Variants in PIP4K2A observed in about 807,000 individuals in gnomAD.
PIP4K2A encodes phosphatidylinositol-5-phosphate 4-kinase type 2 alpha.
Under a neutral mutation model 42.9 loss-of-function variants are expected in PIP4K2A, and 14 were observed. The observed-to-expected ratio is 0.33, with a 90% CI of 0.22 to 0.51. The LOEUF is 0.51. PIP4K2A is among the 20% of genes least tolerant of loss of function. The pLI is 0.97. For synonymous variants in PIP4K2A, 192 were observed against 192.2 expected (o/e 1.00, Z 0.01); for missense variants, 434 against 519.8 (o/e 0.83, Z 1.61).
chr10:22,697,004 A>G (rs1839984837), intron 1 of PIP4K2A, among the ~76,000 whole-genome samples: 1 of 152,222 alleles, frequency 6.6e-6, no homozygotes, highest in South Asian at 2.1e-4. Context: ...AATAAAATAC[A>G]TCCACATAAA....
Position 22,536,310 on chromosome 10 carries a change from T to C in PIP4K2A, c.*891A>G. 5.1e-6 allele frequency: 2 copies of C among 393,128 alleles called. No homozygotes were observed. Among genetic ancestry groups the C allele is most frequent in the Non-Finnish European group, 4.5e-6 (1 of 222,990 alleles). The allele number at this position is 393,128 out of a possible 1,614,324, so 24.4% of individuals were successfully genotyped here. A position where few individuals can be genotyped will look rare whatever the true frequency, so the allele number is the denominator to read the frequency against. On this transcript the variant is annotated 3_prime_UTR_variant, in exon 10 of 10. Coordinates refer to ENST00000376573, the MANE Select transcript of PIP4K2A (RefSeq NM_005028.5). ...GCACTTTTCAGGTAAGCTTTACTTT[T>C]ATTTTGTAGCATTAATTCCTATATT...
At chr10:22,654,989 C>T (rs938018639) in intron 1 of PIP4K2A, among the ~76,000 whole-genome samples, 13 of 152,102 alleles carry the variant, frequency 8.5e-5, no homozygotes, top group Non-Finnish European at 1.9e-4. Context: ...CACCTATAAT[C>T]CCTACTTTAG....
At chr10:22,542,505 C>T (rs369335837) in intron 7 of PIP4K2A, among the ~76,000 whole-genome samples, 1 of 152,122 alleles carries the variant, frequency 6.6e-6, no homozygotes, top group Non-Finnish European at 1.5e-5. Context: ...TCTGTGGAGG[C>T]GATTGTTACG....
rs564550475 is a variant in PIP4K2A at position 22,690,240 on chromosome 10, C to G, written c.144+23943G>C. On this transcript the variant is annotated intron_variant, in intron 1 of 9. Coordinates refer to ENST00000376573, the MANE Select transcript of PIP4K2A (RefSeq NM_005028.5). ...AAAATCTAGGTGCTAATACTACCCA[C>G]GTTGTATAAATAATAAAACTGAGGT... is the stretch of plus-strand genomic sequence containing the variant. 1.1e-4 allele frequency among the ~76,000 whole-genome samples: 17 copies of G among 152,252 alleles called. No homozygotes were observed. In the East Asian group the frequency reaches 1.7e-3, roughly 16 times the overall value.
chr10:22,634,006 C>A (rs570332593), intron 1 of PIP4K2A, among the ~76,000 whole-genome samples: 1 of 152,318 alleles, frequency 6.6e-6, no homozygotes, highest in African/African-American at 2.4e-5. Context: ...CCAGAGTAGA[C>A]GCTTAATAGA....
chr10:22,571,107 A>C (rs532114175), intron 5 of PIP4K2A, among the ~76,000 whole-genome samples: 3 of 152,244 alleles, frequency 2.0e-5, no homozygotes, highest in African/African-American at 7.2e-5. Context: ...GTTTATAAAG[A>C]AGGAATGATT....
intron 5 of PIP4K2A, among the ~76,000 whole-genome samples, chr10:22,572,558 T>C (rs117658761): frequency 0.013 from 1,915 of 152,134 alleles, 25 homozygotes; most frequent in Middle Eastern, 0.065. Flanking sequence ...TGAGCCAAGA[T>C]TGAGCCACTG....
chr10:22,574,997 GGTGT>G (rs145517809), intron 4 of PIP4K2A, among the ~76,000 whole-genome samples: 1 of 151,796 alleles, frequency 6.6e-6, no homozygotes, highest in Non-Finnish European at 1.5e-5. Context: ...GAGCCAGAAA[GGTGT>G]GTGTGTGTGT....
chr10:22,697,447 G>A (rs965091247), intron 1 of PIP4K2A, among the ~76,000 whole-genome samples: 1 of 152,178 alleles, frequency 6.6e-6, no homozygotes, highest in African/African-American at 2.4e-5. Context: ...TGGGTGTGGT[G>A]GCTCATGTCT....
At chr10:22,540,971 T>C (rs1015352132) in intron 8 of PIP4K2A, among the ~76,000 whole-genome samples, 1 of 152,176 alleles carries the variant, frequency 6.6e-6, no homozygotes, top group East Asian at 1.9e-4. Flanking sequence ...AAAACAGAAC[T>C]CAGATCCTCA....
In PIP4K2A at chr10:22,695,457, A is replaced by T. The variant is rs61847514; in HGVS notation, c.144+18726T>A. 4.4e-3 allele frequency among the ~76,000 whole-genome samples: 663 copies of T among 152,358 alleles called. 1 individual carries two copies. Among genetic ancestry groups the T allele is most frequent in the Non-Finnish European group, 7.2e-3 (493 of 68,030 alleles). On this transcript the variant is annotated intron_variant, in intron 1 of 9. Coordinates refer to ENST00000376573, the MANE Select transcript of PIP4K2A (RefSeq NM_005028.5). ...CTCACAAAAAGTGACAACTTTTAGA[A>T]TCATTTATTATTTGTTTCTCCCAGT...
chr10:22,659,868 C>T (rs1839169892), intron 1 of PIP4K2A: 1 of 152,018 alleles, frequency 6.6e-6, no homozygotes, highest in African/African-American at 2.4e-5. Flanking sequence ...GATTTAATAG[C>T]CTAAAGGGCA....
chr10:22,591,826 C>T (rs766415460), intron 3 of PIP4K2A, 45 bp from the exon 4 acceptor site: 4 of 1,535,472 alleles, frequency 2.6e-6, no homozygotes, highest in South Asian at 1.2e-5. Flanking sequence ...GGGAAGATAA[C>T]TAGTTAAAGG....
chr10:22,658,864 C>T (rs562555831), intron 1 of PIP4K2A, among the ~76,000 whole-genome samples: 6 of 152,314 alleles, frequency 3.9e-5, no homozygotes, highest in East Asian at 1.9e-4. Context: ...GTAACTCACC[C>T]GAGGTCACAA....
intron 4 of PIP4K2A, among the ~76,000 whole-genome samples, chr10:22,575,306 T>G (rs546614440): frequency 6.6e-6 from 1 of 152,262 alleles, no homozygotes; most frequent in East Asian, 1.9e-4. Flanking sequence ...AGGCAGTTAT[T>G]TTTGAGGCCC....
chr10:22,653,173 A>G (rs968183238), intron 1 of PIP4K2A, among the ~76,000 whole-genome samples: 11 of 152,228 alleles, frequency 7.2e-5, no homozygotes, highest in Admixed American at 3.9e-4. Flanking sequence ...ACTCTACCAA[A>G]GACAACTCTA....
chr10:22,659,242 C>A (rs1839157489), intron 1 of PIP4K2A, among the ~76,000 whole-genome samples: 1 of 152,186 alleles, frequency 6.6e-6, no homozygotes, highest in Non-Finnish European at 1.5e-5. Context: ...ACTGAATATA[C>A]TCATAACACG....
chr10:22,677,203 T>G (rs986389043), intron 1 of PIP4K2A, among the ~76,000 whole-genome samples: 2 of 152,202 alleles, frequency 1.3e-5, no homozygotes, highest in Non-Finnish European at 2.9e-5. Flanking sequence ...GAATTCCTAC[T>G]GGGGTGTGCT....
At chr10:22,650,883 G>A (rs962821661) in intron 1 of PIP4K2A, among the ~76,000 whole-genome samples, 2 of 151,352 alleles carry the variant, frequency 1.3e-5, no homozygotes, top group Non-Finnish European at 2.9e-5. Context: ...TCCTGCTCTA[G>A]CCTGCTTCTA....
Sources: allele counts gnomAD v4.1 joint callset (sites outside exome capture counted in the v4.1 genomes callset), GRCh38; gene constraint gnomAD v4.1.1; transcripts MANE v1.5; gene names NCBI Gene and HGNC (gene_info 2026-07-23, HGNC 2026-07-21).